AGPS: variants seen among roughly 807,000 people sequenced by gnomAD.
The protein encoded by AGPS is alkylglycerone phosphate synthase, also known as alkyldihydroxyacetonephosphate synthase, peroxisomal.
A neutral mutation model predicts 90.7 loss-of-function variants in AGPS; 26 were observed. That is an observed-to-expected ratio of 0.29 (90% CI 0.21 to 0.40). AGPS has a LOEUF of 0.40. Among genes scored for constraint, AGPS ranks in the 10% least tolerant of loss-of-function variants. AGPS has a pLI of 1.00. For synonymous variants in AGPS, 294 were observed against 285.3 expected (o/e 1.03, Z -0.31); for missense variants, 540 against 816.1 (o/e 0.66, Z 4.12).
At chr2:177,529,341 A>G (rs1482076890) in intron 19 of AGPS, among the ~76,000 whole-genome samples, 1 of 152,088 alleles carries the variant, frequency 6.6e-6, no homozygotes, top group African/African-American at 2.4e-5. Flanking sequence ...GTGGTGGCAC[A>G]TGCCTATAGT....
At chr2:177,520,631 A>G (rs1330851704) in intron 17 of AGPS, among the ~76,000 whole-genome samples, 2 of 152,210 alleles carry the variant, frequency 1.3e-5, no homozygotes, top group Non-Finnish European at 2.9e-5. Flanking sequence ...GAGTTGTACT[A>G]TTTGTAGTAT....
chr2:177,431,381 C>G (rs889647009), intron 2 of AGPS, among the ~76,000 whole-genome samples: 6 of 152,120 alleles, frequency 3.9e-5, no homozygotes, highest in Non-Finnish European at 1.5e-5. Context: ...GGTCTGTGTT[C>G]GGCTGTGCAC....
At chr2:177,436,245 G>A (rs554472146) in intron 3 of AGPS, among the ~76,000 whole-genome samples, 4 of 139,706 alleles carry the variant, frequency 2.9e-5, no homozygotes, top group Admixed American at 8.1e-5. Context: ...TCTGCCTCCC[G>A]GGTTCATGCC....
chr2:177,494,769 T>TC (rs1688365289), intron 12 of AGPS, among the ~76,000 whole-genome samples: 1 of 152,208 alleles, frequency 6.6e-6, no homozygotes, highest in South Asian at 2.1e-4. Flanking sequence ...TGCCCTTTAC[T>TC]TAGCCACCAA....
At chr2:177,421,054 A>T (rs1685926987) in intron 2 of AGPS, among the ~76,000 whole-genome samples, 1 of 151,960 alleles carries the variant, frequency 6.6e-6, no homozygotes, top group Non-Finnish European at 1.5e-5. Flanking sequence ...TCTAAAGGAT[A>T]TTTGTGTTAT....
intron 17 of AGPS, among the ~76,000 whole-genome samples, chr2:177,515,228 T>G: frequency 6.6e-6 from 1 of 152,000 alleles, no homozygotes; most frequent in East Asian, 1.9e-4. Flanking sequence ...AGACAAAAAT[T>G]TTTGTGTTTA....
chr2:177,493,057 C>G, intron 11 of AGPS, 91 bp from the exon 12 acceptor site: 1 of 1,215,098 alleles, frequency 8.2e-7, no homozygotes, highest in Non-Finnish European at 1.2e-6. Context: ...CTCTTGATCT[C>G]TTAAATATAG....
chr2:177,517,531 C>T lies in AGPS; in HGVS notation c.1697+3623C>T, dbSNP rs1050914683. Among the ~76,000 whole-genome samples the T allele has an allele frequency of 3.3e-5, 5 of 152,086 alleles. No homozygotes were observed. In the South Asian group the frequency reaches 8.3e-4, roughly 25 times the overall value. On this transcript the variant is annotated intron_variant, in intron 17 of 19. Transcript: ENST00000264167. ...GTTTGGAAAACTTAACTGATCACCACGTTTCATCTGGTCTGTTTAGTGACT... is the reference window on the plus strand; with the variant it reads ...GTTTGGAAAACTTAACTGATCACCATGTTTCATCTGGTCTGTTTAGTGACT...
At chr2:177,455,193 A>T (rs1028479336) in intron 8 of AGPS, among the ~76,000 whole-genome samples, 13 of 151,994 alleles carry the variant, frequency 8.6e-5, no homozygotes, top group Admixed American at 6.6e-4. Context: ...TCTGCTGAAG[A>T]CCTGAGGGGC....
intron 11 of AGPS, among the ~76,000 whole-genome samples, chr2:177,490,562 A>G (rs1279279459): frequency 1.3e-5 from 2 of 152,144 alleles, no homozygotes; most frequent in South Asian, 2.1e-4. Context: ...CTTGATACTA[A>G]TAGGAATACT....
At chr2:177,526,347 A>T (rs2079087629) in intron 19 of AGPS, among the ~76,000 whole-genome samples, 1 of 150,536 alleles carries the variant, frequency 6.6e-6, no homozygotes, top group African/African-American at 2.5e-5. Context: ...CTCATGCCTC[A>T]GCCTTCTGAG....
At chr2:177,512,359 TAAG>T (rs201775844) in intron 16 of AGPS, among the ~76,000 whole-genome samples, 1,846 of 152,264 alleles carry the variant, frequency 0.012, 22 homozygotes, top group Middle Eastern at 0.054. Flanking sequence ...GAATTTAACT[TAAG>T]AACATTGTTT....
At chr2:177,442,377 C>T (rs1686633746) in intron 6 of AGPS, 30 bp from the exon 7 acceptor site, 1 of 1,532,406 alleles carries the variant, frequency 6.5e-7, no homozygotes. Context: ...AATATTTAAA[C>T]ATAAAAGTTG....
chr2:177,532,664 AT>A, intron 19 of AGPS, among the ~76,000 whole-genome samples: 1 of 152,198 alleles, frequency 6.6e-6, no homozygotes, highest in Non-Finnish European at 1.5e-5. Context: ...CTTAACATAA[AT>A]ATTCATAGCA....
intron 1 of AGPS, among the ~76,000 whole-genome samples, chr2:177,396,972 T>C (rs1685196177): frequency 2.1e-5 from 3 of 145,504 alleles, no homozygotes. Context: ...GGAGTCTTGC[T>C]CTGTCTCCCA....
intron 17 of AGPS, 95 bp from the exon 18 acceptor site, chr2:177,521,169 TTAAAC>T: frequency 9.7e-7 from 1 of 1,032,898 alleles, no homozygotes; most frequent in Non-Finnish European, 1.5e-6. Flanking sequence ...AGATTATATC[TTAAAC>T]TAATCATTTG....
At chr2:177,469,458 T>C (rs1687547398) in intron 10 of AGPS, among the ~76,000 whole-genome samples, 2 of 152,202 alleles carry the variant, frequency 1.3e-5, no homozygotes, top group African/African-American at 4.8e-5. Context: ...GTTGTTTGGC[T>C]GATGACCAGT....
chr2:177,447,298 G>A (rs908138249), intron 8 of AGPS, among the ~76,000 whole-genome samples: 4 of 152,012 alleles, frequency 2.6e-5, no homozygotes, highest in African/African-American at 9.7e-5. Context: ...GCAGTCAGAT[G>A]CAGATAACTG....
At chr2:177,436,313 G>A (rs1256810590) in intron 3 of AGPS, among the ~76,000 whole-genome samples, 2 of 151,362 alleles carry the variant, frequency 1.3e-5, no homozygotes, top group South Asian at 2.1e-4. Flanking sequence ...CACCACGCCC[G>A]GCTAATTTTT....
Sources: gnomAD v4.1 joint callset for allele counts (sites outside exome capture counted in the v4.1 genomes callset) on GRCh38, gnomAD v4.1.1 for gene constraint, MANE v1.5 for transcripts, NCBI Gene and HGNC (gene_info 2026-07-23, HGNC 2026-07-21) for gene names.